The following MDFIC2 variants were observed in gnomAD, a reference collection of about 807,000 sequenced individuals.
MDFIC2 encodes the protein myoD family inhibitor domain-containing protein 2.
chr3:70,294,426 A>G (rs931632334), intron 2 of MDFIC2, among the ~76,000 whole-genome samples: 4 of 152,180 alleles, frequency 2.6e-5, no homozygotes, highest in Non-Finnish European at 5.9e-5. Flanking sequence ...GTAGGAGAAT[A>G]TAGAAAGGAA....
intron 2 of MDFIC2, among the ~76,000 whole-genome samples, chr3:70,297,074 C>T (rs923202610): frequency 3.9e-5 from 6 of 151,974 alleles, no homozygotes; most frequent in African/African-American, 1.5e-4. Flanking sequence ...TATATTATTC[C>T]TTATCAAAAT....
chr3:70,219,313 G>A (rs1209756031), intron 2 of MDFIC2, among the ~76,000 whole-genome samples: 2 of 152,196 alleles, frequency 1.3e-5, no homozygotes, highest in African/African-American at 4.8e-5. Context: ...TCTGCTGAAA[G>A]TAGAATGGAA....
intron 2 of MDFIC2, among the ~76,000 whole-genome samples, chr3:70,223,623 G>A (rs1475745099): frequency 1.3e-5 from 2 of 152,156 alleles, no homozygotes; most frequent in African/African-American, 4.8e-5. Context: ...AGTCTTACAG[G>A]CTATTTCCTG....
At chr3:70,214,660 GC>G (rs1553645974) in intron 2 of MDFIC2, among the ~76,000 whole-genome samples, 6 of 146,358 alleles carry the variant, frequency 4.1e-5, no homozygotes, top group Non-Finnish European at 1.5e-5. Context: ...TTTTCTGCCC[GC>G]CACTATACTT....
At chr3:70,256,975 T>C (rs891461265) in intron 2 of MDFIC2, among the ~76,000 whole-genome samples, 2 of 152,118 alleles carry the variant, frequency 1.3e-5, no homozygotes, top group African/African-American at 4.8e-5. Context: ...AGCCCGACTA[T>C]GGGCTGAGCG....
intron 2 of MDFIC2, among the ~76,000 whole-genome samples, chr3:70,308,133 CCTCAACCTCCCAGG>C (rs1702420304): frequency 6.6e-6 from 1 of 152,168 alleles, no homozygotes; most frequent in Non-Finnish European, 1.5e-5. Context: ...CTCACTGCAG[CCTCAACCTCCCAGG>C]CTCAAGCAAT....
At chr3:70,217,944 C>A (rs560910690) in intron 2 of MDFIC2, among the ~76,000 whole-genome samples, 1 of 152,188 alleles carries the variant, frequency 6.6e-6, no homozygotes, top group Admixed American at 6.6e-5. Flanking sequence ...AAGATGTATA[C>A]AGAGGCCTTG....
At chr3:70,250,808 C>G (rs1364308144) in intron 2 of MDFIC2, among the ~76,000 whole-genome samples, 2 of 152,098 alleles carry the variant, frequency 1.3e-5, no homozygotes, top group Admixed American at 1.3e-4. Context: ...ATATGCATTT[C>G]TTCTTCAGCA....
chr3:70,200,103 C>A (rs1701223513), intron 3 of MDFIC2, among the ~76,000 whole-genome samples: 1 of 152,110 alleles, frequency 6.6e-6, no homozygotes, highest in Admixed American at 6.6e-5. Flanking sequence ...CCTGCTGTTT[C>A]CACCTCAAAT....
At chr3:70,264,588 A>C (rs543796088) in intron 2 of MDFIC2, among the ~76,000 whole-genome samples, 33 of 152,370 alleles carry the variant, frequency 2.2e-4, no homozygotes, top group African/African-American at 7.0e-4. Context: ...TGCTGGCATC[A>C]GGCCATATAC....
chr3:70,238,906 A>AT (rs1369431404), intron 2 of MDFIC2, among the ~76,000 whole-genome samples: 2 of 152,168 alleles, frequency 1.3e-5, no homozygotes, highest in East Asian at 3.9e-4. Flanking sequence ...TTTTCTTCCC[A>AT]TCTCTTTTTA....
At chr3:70,280,029 G>A (rs1702065284) in intron 2 of MDFIC2, among the ~76,000 whole-genome samples, 1 of 152,178 alleles carries the variant, frequency 6.6e-6, no homozygotes, top group Non-Finnish European at 1.5e-5. Flanking sequence ...CCAGAAGTGT[G>A]AAGTCAGTTT....
intron 2 of MDFIC2, among the ~76,000 whole-genome samples, chr3:70,291,499 T>C: frequency 6.6e-6 from 1 of 152,188 alleles, no homozygotes; most frequent in African/African-American, 2.4e-5. Context: ...TCTCACATTG[T>C]ATTGTACTGT....
At chr3:70,290,804 G>T (rs1325405383) in intron 2 of MDFIC2, among the ~76,000 whole-genome samples, 2 of 152,126 alleles carry the variant, frequency 1.3e-5, no homozygotes, top group Non-Finnish European at 2.9e-5. Context: ...CAGTATTCGG[G>T]TGGGAGTGAC....
At chr3:70,265,255 T>C (rs1285848436) in intron 2 of MDFIC2, among the ~76,000 whole-genome samples, 1 of 152,072 alleles carries the variant, frequency 6.6e-6, no homozygotes, top group Admixed American at 6.6e-5. Context: ...AGTTGAGATA[T>C]AGGGGATTGA....
intron 2 of MDFIC2, among the ~76,000 whole-genome samples, chr3:70,216,688 A>C (rs1701415279): frequency 3.9e-5 from 6 of 152,094 alleles, no homozygotes; most frequent in Admixed American, 3.9e-4. Flanking sequence ...CTTATTGAAA[A>C]ACATACTCAG....
intron 2 of MDFIC2, among the ~76,000 whole-genome samples, chr3:70,208,650 T>C (rs1425181826): frequency 1.3e-5 from 2 of 152,000 alleles, no homozygotes; most frequent in Non-Finnish European, 2.9e-5. Flanking sequence ...CTTCTGCATT[T>C]GAGACAAGAA....
intron 2 of MDFIC2, among the ~76,000 whole-genome samples, chr3:70,292,444 A>G (rs1702247487): frequency 6.6e-6 from 1 of 152,152 alleles, no homozygotes; most frequent in Non-Finnish European, 1.5e-5. Flanking sequence ...GCATGATATC[A>G]CTAGTAATAC....
At chr3:70,210,320 ATC>A (rs1576156211) in intron 2 of MDFIC2, among the ~76,000 whole-genome samples, 2 of 152,112 alleles carry the variant, frequency 1.3e-5, no homozygotes, top group Admixed American at 1.3e-4. Context: ...TTAATTCTAT[ATC>A]TCTGTTTATA....
Sources: allele counts gnomAD v4.1 joint callset (sites outside exome capture counted in the v4.1 genomes callset), GRCh38; gene constraint gnomAD v4.1.1; transcripts MANE v1.5; gene names NCBI Gene and HGNC (gene_info 2026-07-23, HGNC 2026-07-21).